The following ZMYND11 variants were observed in gnomAD, a reference collection of about 807,000 sequenced individuals.
The protein encoded by ZMYND11 is zinc finger MYND domain-containing protein 11.
ZMYND11 carries 9 observed loss-of-function variants against 84.9 expected under a neutral mutation model. That is an observed-to-expected ratio of 0.11 (90% confidence interval 0.06 to 0.18). ZMYND11 has a LOEUF of 0.18. Ranked by LOEUF, ZMYND11 falls within the 10% of genes least tolerant of loss-of-function variation. The pLI, the probability that ZMYND11 is intolerant of heterozygous loss-of-function variation, is 1.00. For missense variants in ZMYND11, 409 were observed against 761.0 expected, an observed-to-expected ratio of 0.54 and a Z score of 5.44; for synonymous variants, 250 against 244.1, an observed-to-expected ratio of 1.02 and a Z score of -0.23.
chr10:181,863 G>A (rs1462211016), intron 2 of ZMYND11, among the ~76,000 whole-genome samples: 1 of 151,468 alleles, frequency 6.6e-6, no homozygotes, highest in African/African-American at 2.4e-5. Flanking sequence ...CATAATTTGG[G>A]GTATGATAAC....
At chr10:172,348 G>C (rs983012356) in intron 1 of ZMYND11, among the ~76,000 whole-genome samples, 3 of 152,142 alleles carry the variant, frequency 2.0e-5, no homozygotes, top group Admixed American at 2.0e-4. Flanking sequence ...CATTTATATA[G>C]CAAATCCAAA....
Position 254,186 on chromosome 10 carries a change from A to AC in ZMYND11, c.*1720dup, listed in dbSNP as rs1458280546. ...TTTTCAAGTTTTAAGACTTCGATCC[A>AC]CCCCTATGAGAGCAAGTAATTGTGG... is the stretch of plus-strand genomic sequence containing the variant. On this transcript the variant is annotated 3_prime_UTR_variant, in exon 15 of 15. Transcript: ENST00000381604. 4 of 152,524 alleles carry AC rather than the reference A, an allele frequency of 2.6e-5. No individual in the cohort carries two copies. The highest frequency in any genetic ancestry group is 5.9e-5 in the Non-Finnish European group (4 of 68,016). 9.4% of individuals were successfully genotyped at this position (152,524 alleles called of 1,614,324 possible).
At chr10:201,616 T>C (rs1019342314) in intron 2 of ZMYND11, among the ~76,000 whole-genome samples, 1 of 49,906 alleles carries the variant, frequency 2.0e-5, no homozygotes, top group Non-Finnish European at 4.0e-5. Context: ...ATTATATATA[T>C]ATGTATTCGT....
intron 1 of ZMYND11, among the ~76,000 whole-genome samples, chr10:145,325 C>A (rs1838561677): frequency 6.6e-6 from 1 of 151,698 alleles, no homozygotes. Context: ...GGTTCCGTAT[C>A]TTTGCAATTG....
chr10:176,493 A>G (rs1484059324), intron 1 of ZMYND11, among the ~76,000 whole-genome samples: 1 of 152,084 alleles, frequency 6.6e-6, no homozygotes, highest in East Asian at 1.9e-4. Context: ...ATAACAGCTG[A>G]AAAAAAGTGA....
At chr10:169,358 C>G (rs1370622477) in intron 1 of ZMYND11, among the ~76,000 whole-genome samples, 1 of 152,066 alleles carries the variant, frequency 6.6e-6, no homozygotes, top group Admixed American at 6.6e-5. Flanking sequence ...TAGCAAGATT[C>G]CTTTTACCCA....
intron 2 of ZMYND11, among the ~76,000 whole-genome samples, chr10:187,766 A>G (rs1405774329): frequency 6.6e-6 from 1 of 152,242 alleles, no homozygotes; most frequent in Non-Finnish European, 1.5e-5. Flanking sequence ...TTGATTAACG[A>G]TGAAACTGCC....
rs12259137 is a variant in ZMYND11, at chr10:226,272, C to T, written c.438+4916C>T. Among the ~76,000 whole-genome samples, 293 of 152,298 alleles carry T rather than the reference C, an allele frequency of 1.9e-3. 3 individuals carry two copies. Among genetic ancestry groups the T allele is most frequent in the African/African-American group, 6.9e-3 (287 of 41,558 alleles). On this transcript the variant is annotated intron_variant, in intron 4 of 14. Coordinates refer to ENST00000381604, the MANE Select transcript of ZMYND11 (RefSeq NM_001370100.5). ...ATTCTATAGCAGACACTGCCCTGCA[C>T]AGATTAGTGGCTATAATATCTGATA...
chr10:191,956 A>G (rs895258845), intron 2 of ZMYND11, among the ~76,000 whole-genome samples: 1 of 152,218 alleles, frequency 6.6e-6, no homozygotes, highest in Non-Finnish European at 1.5e-5. Flanking sequence ...ATGAATGAAT[A>G]TTTGTTATAT....
intron 2 of ZMYND11, among the ~76,000 whole-genome samples, chr10:199,270 C>T (rs1942528214): frequency 1.4e-5 from 2 of 139,044 alleles, no homozygotes; most frequent in African/African-American, 5.4e-5. Flanking sequence ...TCTCCCCATT[C>T]CCCTTCCCAT....
chr10:236,748 A>G (rs1589171579), intron 4 of ZMYND11, 90 bp from the exon 5 acceptor site: 6 of 1,095,132 alleles, frequency 5.5e-6, no homozygotes, highest in South Asian at 1.5e-5. Flanking sequence ...TTTGCATACT[A>G]TCTAAGTGTT....
intron 4 of ZMYND11, among the ~76,000 whole-genome samples, chr10:231,984 C>T (rs1019465938): frequency 2.6e-5 from 4 of 152,198 alleles, no homozygotes; most frequent in African/African-American, 9.7e-5. Context: ...CTGACCTGAA[C>T]CCTGTTACAG....
chr10:144,640 C>CTT (rs11348115), intron 1 of ZMYND11, among the ~76,000 whole-genome samples: 102 of 110,020 alleles, frequency 9.3e-4, no homozygotes, highest in African/African-American at 1.8e-3. Context: ...GTCTGAATTC[C>CTT]TTTTTTTTTT....
intron 1 of ZMYND11, among the ~76,000 whole-genome samples, chr10:168,615 T>C (rs1051003210): frequency 6.6e-6 from 1 of 152,148 alleles, no homozygotes; most frequent in African/African-American, 2.4e-5. Context: ...GCCTGGCATG[T>C]AAGGAGCTCA....
chr10:209,967 T>C lies in ZMYND11; in HGVS notation c.195T>C (p.Ile65=), dbSNP rs751972776. 1.9e-6 allele frequency: 3 copies of C among 1,614,144 alleles called. No homozygotes were observed. In the South Asian group the frequency reaches 3.3e-5, roughly 18 times the overall value. Residue 65 remains isoleucine, a synonymous_variant, in exon 3 of 15, where the codon ATT becomes ATC. Transcript: ENST00000381604. ...QLSLAVKDGL[I]VETLTVGCKG... is the part of the protein sequence containing the mutation. ...GCTTAGCTGTGAAAGATGGTCTTAT[T>C]GTCGAAACTCTAACAGTGGGCTGCA... is the stretch of plus-strand genomic sequence containing the variant.
chr10:201,007 A>C (rs1943046502), intron 2 of ZMYND11, among the ~76,000 whole-genome samples: 2 of 151,982 alleles, frequency 1.3e-5, no homozygotes, highest in South Asian at 2.1e-4. Flanking sequence ...GGTATTTTGC[A>C]TCTCCTCCTG....
At chr10:137,383 T>G (rs529448929) in intron 1 of ZMYND11, among the ~76,000 whole-genome samples, 1 of 152,296 alleles carries the variant, frequency 6.6e-6, no homozygotes, top group Admixed American at 6.5e-5. Flanking sequence ...CTCACTTAGG[T>G]GTTCTGCATC....
At chr10:137,330 G>C (rs1836345067) in intron 1 of ZMYND11, among the ~76,000 whole-genome samples, 2 of 152,100 alleles carry the variant, frequency 1.3e-5, no homozygotes, top group South Asian at 4.2e-4. Flanking sequence ...GGAGGGAGTG[G>C]TGCAGGTTGG....
At chr10:238,647 C>T (rs370691407) in intron 6 of ZMYND11, among the ~76,000 whole-genome samples, 81 of 152,276 alleles carry the variant, frequency 5.3e-4, no homozygotes, top group African/African-American at 1.3e-3. Context: ...TGAGCCACCG[C>T]GCCCGGCCAC....
Sources: gnomAD v4.1 joint callset for allele counts (sites outside exome capture counted in the v4.1 genomes callset) on GRCh38, gnomAD v4.1.1 for gene constraint, MANE v1.5 for transcripts, NCBI Gene and HGNC (gene_info 2026-07-23, HGNC 2026-07-21) for gene names.